The following PCDHA8 variants were observed in gnomAD, a reference collection of about 807,000 sequenced individuals.
PCDHA8 encodes the protein protocadherin alpha 8, also known as protocadherin alpha-8.
In PCDHA8, 53 loss-of-function variants were observed where a neutral mutation model predicts 61.8. That is an observed-to-expected ratio of 0.86 (90% CI 0.69 to 1.08). The LOEUF (loss-of-function observed/expected upper bound fraction) is 1.08, where lower values mean the gene tolerates loss of function less well. Ranked by LOEUF, PCDHA8 falls within the 50% of genes least tolerant of loss-of-function variation. PCDHA8 has a pLI of 0.00. For synonymous variants in PCDHA8, 618 were observed against 556.6 expected (o/e 1.11, Z -1.55); for missense variants, 1,293 against 1,245.0 (o/e 1.04, Z -0.58).
chr5:140,876,931 A>G lies in PCDHA8; in HGVS notation c.2394+33216A>G, dbSNP rs377563074. The stretch of plus-strand genomic sequence containing the variant: ...GGCATGGGACGCGGACGCGCAGAAG[A>G]ACGCGCTGGTGTCCTACTCGCTGGT... On this transcript the variant is annotated intron_variant, in intron 1 of 3. Coordinates refer to ENST00000531613, the MANE Select transcript of PCDHA8 (RefSeq NM_018911.3). 8 of 1,613,668 alleles carry G rather than the reference A, an allele frequency of 5.0e-6. No individual in the cohort carries two copies. In the African/African-American group the frequency reaches 1.1e-4, roughly 22 times the overall value.
Position 140,842,728 on chromosome 5 carries a change from G to T in PCDHA8, c.1407G>T (p.Pro469=). 2 of 1,595,050 alleles carry T rather than the reference G, an allele frequency of 1.3e-6. No homozygotes were observed. Among genetic ancestry groups the T allele is most frequent in the Non-Finnish European group, 1.7e-6 (2 of 1,165,458 alleles). ...CGGTGTTCGTGAAGGAGAACAACCC[G>T]CCGGGCTGCCACATCTTCACGGTGT... ...EYTVFVKENN[P]PGCHIFTVSA... is the part of the protein sequence containing the mutation. Residue 469 remains proline, a synonymous_variant, in exon 1 of 4, where the codon CCG becomes CCT. Transcript: ENST00000531613.
At chr5:140,927,290 T>C in intron 1 of PCDHA8, 1 of 1,614,054 alleles carries the variant, frequency 6.2e-7, no homozygotes, top group South Asian at 1.1e-5. Flanking sequence ...CAGCTGCACA[T>C]CCCCGAGTTC....
At chr5:140,870,401 C>A in intron 1 of PCDHA8, 1 of 1,614,252 alleles carries the variant, frequency 6.2e-7, no homozygotes, top group Non-Finnish European at 8.5e-7. Context: ...GGTTCGCCTT[C>A]TCTGTGGGCC....
At chr5:140,885,179 C>T (rs972760379) in intron 1 of PCDHA8, among the ~76,000 whole-genome samples, 37 of 152,232 alleles carry the variant, frequency 2.4e-4, no homozygotes, top group African/African-American at 8.9e-4. Flanking sequence ...CCTCTAGGCA[C>T]ATCAGTGTTC....
At chr5:141,001,473 G>A (rs1172395730) in intron 3 of PCDHA8, among the ~76,000 whole-genome samples, 1 of 152,220 alleles carries the variant, frequency 6.6e-6, no homozygotes, top group African/African-American at 2.4e-5. Flanking sequence ...AAGCAGCAGC[G>A]GGGAAGTGCT....
chr5:140,941,548 C>CTCG (rs1175641247), intron 1 of PCDHA8, among the ~76,000 whole-genome samples: 1 of 151,868 alleles, frequency 6.6e-6, no homozygotes, highest in Non-Finnish European at 1.5e-5. Context: ...AACTCCTGAC[C>CTCG]TCGTGATCCA....
intron 1 of PCDHA8, chr5:140,877,258 G>T (rs1206242754): frequency 1.9e-6 from 3 of 1,613,662 alleles, no homozygotes; most frequent in Non-Finnish European, 2.5e-6. Context: ...GAAAGTGCGC[G>T]CGGTGGACGC....
intron 1 of PCDHA8, among the ~76,000 whole-genome samples, chr5:140,970,194 A>G (rs1202666673): frequency 6.6e-6 from 1 of 152,204 alleles, no homozygotes; most frequent in African/African-American, 2.4e-5. Context: ...TTGTAAGAGG[A>G]TTTCCCTGAA....
chr5:140,843,294 C>T lies in PCDHA8; in HGVS notation c.1973C>T (p.Ala658Val), dbSNP rs2150356676. 4 of 1,595,870 alleles carry T rather than the reference C, an allele frequency of 2.5e-6. No homozygotes were observed. Among genetic ancestry groups the T allele is most frequent in the East Asian group, 4.5e-5 (2 of 44,826 alleles). ...LVLVKDHGEP[A>V]LTATATVLVS... ...CTGGTGAAGGATCATGGTGAACCTG[C>T]GCTGACCGCCACGGCCACGGTTCTG... The change falls in exon 1 of 4, where the codon GCG (alanine) becomes GTG (valine). Residue 658 changes from alanine to valine, a missense_variant. Ala to Val is a moderately conservative substitution (Grantham distance 64). Transcript: ENST00000531613.
chr5:140,877,178 C>T (rs370071106), intron 1 of PCDHA8: 2 of 1,613,794 alleles, frequency 1.2e-6, no homozygotes, highest in South Asian at 2.2e-5. Context: ...CTGGCGACTC[C>T]GGCTGGCAGC....
At chr5:140,995,608 C>G (rs543938511) in intron 3 of PCDHA8, among the ~76,000 whole-genome samples, 1 of 152,206 alleles carries the variant, frequency 6.6e-6, no homozygotes, top group East Asian at 1.9e-4. Flanking sequence ...TTTCTTCTCC[C>G]AAACCAAATA....
At chr5:140,857,412 C>G (rs782751627) in intron 1 of PCDHA8, 1 of 1,598,338 alleles carries the variant, frequency 6.3e-7, no homozygotes, top group Admixed American at 1.7e-5. Context: ...CCTGCGTTCG[C>G]GCAGTCCGAG....
chr5:140,955,922 GTTCA>G (rs1413540621), intron 1 of PCDHA8, among the ~76,000 whole-genome samples: 2 of 152,138 alleles, frequency 1.3e-5, no homozygotes, highest in African/African-American at 4.8e-5. Flanking sequence ...GTGAATGGGA[GTTCA>G]TTCATAATAT....
chr5:140,989,893 A>T (rs1436233809), intron 3 of PCDHA8, among the ~76,000 whole-genome samples: 1 of 151,928 alleles, frequency 6.6e-6, no homozygotes, highest in Non-Finnish European at 1.5e-5. Context: ...AGTCTCCGTT[A>T]TTCACAATCA....
In PCDHA8 at chr5:140,857,214, C is replaced by T. The variant is rs193920994; in HGVS notation, c.2394+13499C>T. ...AACGGACAGGTCACCTGCTCTCTGA[C>T]GCCTCACGTTCCGTTCAAGCTGGTG... is the stretch of plus-strand genomic sequence containing the variant. On this transcript the variant is annotated intron_variant, in intron 1 of 3. Transcript: ENST00000531613. 5 of 1,598,500 alleles carry T rather than the reference C, an allele frequency of 3.1e-6. 1 individual carries two copies. Among genetic ancestry groups the T allele is most frequent in the Non-Finnish European group, 3.4e-6 (4 of 1,167,936 alleles).
At chr5:141,003,432 C>T (rs1175854943) in intron 3 of PCDHA8, among the ~76,000 whole-genome samples, 1 of 152,124 alleles carries the variant, frequency 6.6e-6, no homozygotes, top group African/African-American at 2.4e-5. Context: ...ATGCCTCAGC[C>T]TCCCAAGTAG....
At chr5:140,869,100 TGCGATGTTTGGTTTTCAGAGAAGG>T (rs1554162487) in intron 1 of PCDHA8, 1 of 1,596,924 alleles carries the variant, frequency 6.3e-7, no homozygotes, top group South Asian at 1.1e-5. Flanking sequence ...CAATTTCGTA[TGCGATGTTTGGTTTTCAGAGAAGG>T]GGATTGGGCA....
At chr5:140,996,503 G>A (rs1306027159) in intron 3 of PCDHA8, among the ~76,000 whole-genome samples, 1 of 152,120 alleles carries the variant, frequency 6.6e-6, no homozygotes, top group African/African-American at 2.4e-5. Context: ...TGGCTTCTTG[G>A]GGCCCAGCAT....
intron 1 of PCDHA8, among the ~76,000 whole-genome samples, chr5:140,946,411 A>G (rs1554217552): frequency 1.1e-4 from 16 of 151,766 alleles, no homozygotes. Context: ...ATCATAGAAA[A>G]CAATATGGAG....
Sources: gnomAD v4.1 joint callset for allele counts (sites outside exome capture counted in the v4.1 genomes callset) on GRCh38, gnomAD v4.1.1 for gene constraint, MANE v1.5 for transcripts, NCBI Gene and HGNC (gene_info 2026-07-23, HGNC 2026-07-21) for gene names.